CALN1: variants seen among roughly 807,000 people sequenced by gnomAD.
CALN1 encodes the protein calneuron 1.
In CALN1, 17 loss-of-function variants were observed where a neutral mutation model predicts 30.6. The ratio of observed to expected loss-of-function variants is 0.56; its 90% CI spans 0.38 to 0.83. The LOEUF (loss-of-function observed/expected upper bound fraction) is 0.83. Ranked by LOEUF, CALN1 falls within the 40% of genes least tolerant of loss-of-function variation. The pLI is 0.00. For missense variants in CALN1, 291 were observed against 354.9 expected (o/e 0.82, Z 1.45); for synonymous variants, 156 against 131.4 (o/e 1.19, Z -1.28).
In CALN1 at chr7:72,054,502, TATATATAC is replaced by T. The variant is rs1272508169; in HGVS notation, c.389-30741_389-30734del. 1.1e-3 allele frequency among the ~76,000 whole-genome samples: 149 copies of T among 131,520 alleles called. 4 individuals carry two copies. Among genetic ancestry groups the T allele is most frequent in the African/African-American group, 4.6e-3 (145 of 31,590 alleles). 86.3% of individuals were successfully genotyped at this position (131,520 alleles called of 152,430 possible). On this transcript the variant is annotated intron_variant, in intron 4 of 6. Coordinates refer to ENST00000395275, the MANE Select transcript of CALN1 (RefSeq NM_031468.4). The stretch of plus-strand genomic sequence containing the variant: ...ATACATATATATATACATATATACA[TATATATAC>T]ATATATATACATATATACATACATA...
At position 72,106,247 on chromosome 7, in the gene CALN1, T is replaced by C. The variant is rs1386894801; in HGVS notation, c.292A>G (p.Ile98Val). 1.2e-6 allele frequency: 2 copies of C among 1,614,052 alleles called. No individual in the cohort carries two copies. Reference sequence around the variant, plus strand: ...GCCATGCCCAGCTCCTGCTTGGAGATGAAGCCGTTCCCATCCCGGTCCAGA... The same window carrying C: ...GCCATGCCCAGCTCCTGCTTGGAGACGAAGCCGTTCCCATCCCGGTCCAGA... ...RVLDRDGNGFISKQELGMAMR... is the reference protein window; with the variant it reads ...RVLDRDGNGFVSKQELGMAMR... Residue 98 changes from isoleucine to valine, a missense_variant, in exon 4 of 7, where the codon ATC becomes GTC. Ile to Val is a conservative substitution (Grantham distance 29). Around this residue, in one of 2 missense-constraint regions of CALN1, gnomAD observed 169 missense variants for 251.7 expected, o/e 0.67. Coordinates refer to ENST00000395275, the MANE Select transcript of CALN1 (RefSeq NM_031468.4).
At chr7:72,212,149 G>A (rs1467633350) in intron 3 of CALN1, among the ~76,000 whole-genome samples, 1 of 152,018 alleles carries the variant, frequency 6.6e-6, no homozygotes, top group Non-Finnish European at 1.5e-5. Flanking sequence ...TCAGGAGATG[G>A]AGACCATCCT....
intron 5 of CALN1, among the ~76,000 whole-genome samples, chr7:72,001,005 T>C (rs1484009503): frequency 4.6e-5 from 7 of 151,886 alleles, no homozygotes; most frequent in African/African-American, 1.5e-4. Flanking sequence ...AGTCTCCCAA[T>C]AGGTAGAAAA....
chr7:72,364,135 G>C (rs759036864), intron 2 of CALN1, among the ~76,000 whole-genome samples: 1 of 151,936 alleles, frequency 6.6e-6, no homozygotes, highest in African/African-American at 2.4e-5. Context: ...AAAGACACTT[G>C]AACAAAAGAA....
chr7:72,358,296 C>G (rs968497925), intron 2 of CALN1, among the ~76,000 whole-genome samples: 2 of 151,962 alleles, frequency 1.3e-5, no homozygotes, highest in African/African-American at 4.9e-5. Flanking sequence ...CCACGCCTAG[C>G]CTTGGATCAC....
intron 2 of CALN1, among the ~76,000 whole-genome samples, chr7:72,300,140 A>G (rs1182948361): frequency 6.6e-6 from 1 of 152,160 alleles, no homozygotes; most frequent in Admixed American, 6.5e-5. Flanking sequence ...TCGTCCTCCC[A>G]AAGTGCTGGG....
chr7:72,031,299 AG>A (rs1455604462), intron 4 of CALN1, among the ~76,000 whole-genome samples: 1 of 152,208 alleles, frequency 6.6e-6, no homozygotes, highest in Admixed American at 6.5e-5. Context: ...CTTGCATCTC[AG>A]GTCAGCCACC....
At chr7:72,202,909 T>G (rs894491879) in intron 3 of CALN1, among the ~76,000 whole-genome samples, 4 of 152,140 alleles carry the variant, frequency 2.6e-5, no homozygotes, top group Non-Finnish European at 5.9e-5. Flanking sequence ...CAGCACTATT[T>G]ACAATAGCAA....
rs73702943 is a variant in CALN1 at position 72,433,071 on chromosome 7, T to C, written c.-226+13971A>G. Among the ~76,000 whole-genome samples, 1,307 of 152,272 alleles carry C rather than the reference T, an allele frequency of 8.6e-3. 20 individuals carry two copies. The highest frequency in any genetic ancestry group is 0.03 in the African/African-American group (1,226 of 41,548). The stretch of plus-strand genomic sequence containing the variant: ...CGCAGAAAAGGAAGATTCAGGGTGT[T>C]GGACAATCTCATTGGAGCTTGGGTG... On this transcript the variant is annotated intron_variant, in intron 1 of 6. Coordinates refer to the CALN1 transcript ENST00000395276.
intron 4 of CALN1, among the ~76,000 whole-genome samples, chr7:72,029,820 A>C (rs549904126): frequency 1.3e-5 from 2 of 152,310 alleles, no homozygotes; most frequent in East Asian, 3.9e-4. Flanking sequence ...TTCTTTTCTA[A>C]CAAATGGGTA....
the CALN1 span, among the ~76,000 whole-genome samples, chr7:72,452,392 G>C: frequency 6.6e-6 from 1 of 152,032 alleles, no homozygotes; most frequent in East Asian, 1.9e-4. Flanking sequence ...CTTATGGATG[G>C]CTTGGCACCC....
chr7:72,463,482 A>G, the CALN1 span, among the ~76,000 whole-genome samples: 1 of 152,186 alleles, frequency 6.6e-6, no homozygotes, highest in East Asian at 1.9e-4. Context: ...CTGGGAGTTC[A>G]GGAAGCACCA....
intron 3 of CALN1, among the ~76,000 whole-genome samples, chr7:72,241,504 C>G (rs1022044468): frequency 6.6e-6 from 1 of 152,020 alleles, no homozygotes; most frequent in Admixed American, 6.6e-5. Context: ...GTCAGGAGTT[C>G]GAGAGCAGCC....
chr7:71,915,400 T>TG (rs1256372989), intron 5 of CALN1, among the ~76,000 whole-genome samples: 1 of 152,202 alleles, frequency 6.6e-6, no homozygotes, highest in Non-Finnish European at 1.5e-5. Flanking sequence ...TGTCTAGGAA[T>TG]GAAGACATGG....
intron 5 of CALN1, among the ~76,000 whole-genome samples, chr7:71,857,652 G>C (rs1402512418): frequency 2.0e-5 from 3 of 152,156 alleles, no homozygotes; most frequent in African/African-American, 7.2e-5. Flanking sequence ...GAGCGCTGAG[G>C]CTGCAGAGGT....
At chr7:72,051,013 T>C (rs1229320045) in intron 4 of CALN1, among the ~76,000 whole-genome samples, 1 of 149,260 alleles carries the variant, frequency 6.7e-6, no homozygotes, top group Non-Finnish European at 1.5e-5. Flanking sequence ...AATAAATAAA[T>C]AAATAAATAA....
intron 4 of CALN1, among the ~76,000 whole-genome samples, chr7:72,047,796 C>CAT (rs1802567301): frequency 2.0e-5 from 3 of 152,186 alleles, no homozygotes; most frequent in African/African-American, 7.2e-5. Context: ...GAACAGGGGG[C>CAT]ATGTGGGCAC....
intron 5 of CALN1, among the ~76,000 whole-genome samples, chr7:71,829,002 C>G (rs954445600): frequency 2.0e-5 from 3 of 151,960 alleles, no homozygotes; most frequent in African/African-American, 7.3e-5. Flanking sequence ...ATCTCGGCCT[C>G]CCAAAGTGCT....
chr7:71,980,716 C>A (rs1315972230), intron 5 of CALN1, among the ~76,000 whole-genome samples: 1 of 152,110 alleles, frequency 6.6e-6, no homozygotes, highest in Non-Finnish European at 1.5e-5. Flanking sequence ...GTAATCATTT[C>A]TATAGGCCAA....
Sources: gnomAD v4.1 joint callset for allele counts (sites outside exome capture counted in the v4.1 genomes callset) on GRCh38, gnomAD v4.1.1 for gene constraint, gnomAD v4.1.1 regional missense constraint, MANE v1.5 for transcripts, NCBI Gene and HGNC (gene_info 2026-07-23, HGNC 2026-07-21) for gene names.